SORCS3: variants seen among roughly 807,000 people sequenced by gnomAD.
SORCS3 encodes the protein sortilin related VPS10 domain containing receptor 3.
SORCS3 carries 57 observed loss-of-function variants against 146.3 expected under a neutral mutation model. That is an observed-to-expected ratio of 0.39 (90% confidence interval 0.31 to 0.49). SORCS3 has a LOEUF of 0.49. Ranked by LOEUF, SORCS3 falls within the 20% of genes least tolerant of loss-of-function variation. The pLI is 0.92. For missense variants in SORCS3, 1,341 were observed against 1,575.5 expected (o/e 0.85, Z 2.52); for synonymous variants, 653 against 618.5 (o/e 1.06, Z -0.83).
rs78459918 is a variant in SORCS3, at chr10:104,777,530, T to C, written c.628-65262T>C. Reference sequence around the variant, plus strand: ...TCCTACCTCCCATCTGGGTGGTTTTTCACCAGGGGCAAATTTTGCCTTGCA... The same window carrying C: ...TCCTACCTCCCATCTGGGTGGTTTTCCACCAGGGGCAAATTTTGCCTTGCA... On this transcript the variant is annotated intron_variant, in intron 1 of 26. Transcript: ENST00000369701. Among the ~76,000 whole-genome samples, 907 of 152,328 alleles carry C rather than the reference T, an allele frequency of 6.0e-3. 9 individuals are homozygous for C. The highest frequency in any genetic ancestry group is 0.021 in the African/African-American group (884 of 41,570).
chr10:104,758,059 A>T (rs868414757), intron 1 of SORCS3, among the ~76,000 whole-genome samples: 11 of 152,168 alleles, frequency 7.2e-5, no homozygotes, highest in Non-Finnish European at 1.2e-4. Context: ...CTTGGAGTAG[A>T]TCCTTTGGGA....
At chr10:104,898,881 A>G (rs1260164750) in intron 2 of SORCS3, among the ~76,000 whole-genome samples, 1 of 152,214 alleles carries the variant, frequency 6.6e-6, no homozygotes, top group African/African-American at 2.4e-5. Context: ...TGAGTGAGAA[A>G]TACACTAACA....
chr10:105,118,617 G>T (rs1961844), intron 7 of SORCS3, among the ~76,000 whole-genome samples: 77,284 of 151,916 alleles, frequency 0.51, 19,934 homozygotes, highest in Admixed American at 0.55. Flanking sequence ...AGAGACTTGT[G>T]GAATGGCTTT....
intron 1 of SORCS3, among the ~76,000 whole-genome samples, chr10:104,667,473 T>C (rs1363330039): frequency 6.6e-6 from 1 of 152,208 alleles, no homozygotes; most frequent in East Asian, 1.9e-4. Context: ...TTTTATATCT[T>C]GGTTTACCCA....
intron 5 of SORCS3, among the ~76,000 whole-genome samples, chr10:105,047,897 C>T (rs896333466): frequency 1.3e-5 from 2 of 151,932 alleles, no homozygotes; most frequent in African/African-American, 4.8e-5. Context: ...ACAAGAGGTC[C>T]TAGGGAAATG....
chr10:105,028,039 A>G (rs1206938046), intron 4 of SORCS3, among the ~76,000 whole-genome samples: 2 of 152,246 alleles, frequency 1.3e-5, no homozygotes, highest in East Asian at 1.9e-4. Context: ...CCTAGGAACT[A>G]TAGTCAGTAT....
At chr10:104,879,423 C>T (rs1460590518) in intron 2 of SORCS3, among the ~76,000 whole-genome samples, 1 of 152,164 alleles carries the variant, frequency 6.6e-6, no homozygotes, top group East Asian at 1.9e-4. Context: ...AAATTCTCCT[C>T]TTGTATAGAC....
intron 3 of SORCS3, among the ~76,000 whole-genome samples, chr10:104,953,391 C>T (rs554494706): frequency 2.6e-5 from 4 of 152,286 alleles, no homozygotes; most frequent in Admixed American, 1.3e-4. Context: ...TGTAGGTATT[C>T]TAAAACGGTG....
intron 1 of SORCS3, among the ~76,000 whole-genome samples, chr10:104,838,420 G>A (rs75779690): frequency 0.013 from 1,921 of 152,026 alleles, 19 homozygotes; most frequent in Non-Finnish European, 0.02. Flanking sequence ...AGAGGTCGGG[G>A]TGGGCAGGCT....
chr10:104,674,793 T>G (rs1384038329), intron 1 of SORCS3, among the ~76,000 whole-genome samples: 3 of 152,246 alleles, frequency 2.0e-5, no homozygotes, highest in Non-Finnish European at 4.4e-5. Flanking sequence ...CAATTAACAT[T>G]ATGTCTGTGA....
chr10:105,211,900 A>G (rs139583900), intron 17 of SORCS3, among the ~76,000 whole-genome samples: 9 of 152,274 alleles, frequency 5.9e-5, no homozygotes, highest in African/African-American at 1.9e-4. Flanking sequence ...GTGCCTATCA[A>G]TCATCTGGGG....
intron 23 of SORCS3, among the ~76,000 whole-genome samples, 158 bp downstream of exon 23, chr10:105,253,064 T>C (rs2056910647): frequency 6.6e-6 from 1 of 152,034 alleles, no homozygotes; most frequent in South Asian, 2.1e-4. Flanking sequence ...TAAATACAGG[T>C]GCAAATAGAC....
intron 1 of SORCS3, among the ~76,000 whole-genome samples, chr10:104,760,006 G>A (rs959036891): frequency 6.6e-6 from 1 of 152,198 alleles, no homozygotes; most frequent in Non-Finnish European, 1.5e-5. Flanking sequence ...CGGGGCCCAG[G>A]GGGGCAATAG....
At chr10:104,944,768 A>G (rs1589560398) in intron 3 of SORCS3, among the ~76,000 whole-genome samples, 1 of 152,206 alleles carries the variant, frequency 6.6e-6, no homozygotes, top group East Asian at 1.9e-4. Flanking sequence ...AACTTGTTAT[A>G]ACCACTTTAG....
At chr10:104,888,871 C>T (rs1303609093) in intron 2 of SORCS3, among the ~76,000 whole-genome samples, 1 of 152,130 alleles carries the variant, frequency 6.6e-6, no homozygotes, top group South Asian at 2.1e-4. Context: ...TTGGGGGCCT[C>T]GAGGGCAACA....
At chr10:104,818,496 G>A (rs1056219098) in intron 1 of SORCS3, among the ~76,000 whole-genome samples, 14 of 151,862 alleles carry the variant, frequency 9.2e-5, no homozygotes, top group Non-Finnish European at 1.6e-4. Context: ...CTCGGGGAGA[G>A]GTGGATGGAG....
rs188894452 is a variant in SORCS3, at chr10:104,653,835, A to T, written c.627+11881A>T. 3.4e-3 allele frequency among the ~76,000 whole-genome samples: 513 copies of T among 152,284 alleles called. 7 individuals are homozygous for T. Among genetic ancestry groups the T allele is most frequent in the African/African-American group, 0.011 (461 of 41,566 alleles). The stretch of plus-strand genomic sequence containing the variant: ...CAGATTATACTCTTTTAGTTATTTT[A>T]AAATGTACAATTAAAATTATTATTG... On this transcript the variant is annotated intron_variant, in intron 1 of 26. Transcript: ENST00000369701.
At chr10:104,659,370 A>G (rs904197747) in intron 1 of SORCS3, among the ~76,000 whole-genome samples, 9 of 152,354 alleles carry the variant, frequency 5.9e-5, no homozygotes, top group Middle Eastern at 3.4e-3. Flanking sequence ...TCCAGATAGT[A>G]GAAACTCCCA....
At chr10:104,821,330 C>T (rs1052300837) in intron 1 of SORCS3, among the ~76,000 whole-genome samples, 1 of 152,090 alleles carries the variant, frequency 6.6e-6, no homozygotes, top group Non-Finnish European at 1.5e-5. Flanking sequence ...GGACTGTGGT[C>T]ATGAGGGATA....
Sources: allele counts gnomAD v4.1 joint callset (sites outside exome capture counted in the v4.1 genomes callset), GRCh38; gene constraint gnomAD v4.1.1; transcripts MANE v1.5; gene names NCBI Gene and HGNC (gene_info 2026-07-23, HGNC 2026-07-21).